The following COL18A1 variants were observed in gnomAD, a reference collection of about 807,000 sequenced individuals.
The protein encoded by COL18A1 is collagen alpha-1(XVIII) chain.
Under a neutral mutation model 168.0 loss-of-function variants are expected in COL18A1, and 133 were observed. The ratio of observed to expected loss-of-function variants is 0.79; its 90% CI spans 0.69 to 0.91. COL18A1 has a LOEUF of 0.91. Ranked by LOEUF, COL18A1 falls within the 40% of genes least tolerant of loss-of-function variation. COL18A1 has a pLI of 0.00. For synonymous variants in COL18A1, 949 were observed against 809.0 expected, an observed-to-expected ratio of 1.17 and a Z score of -2.94; for missense variants, 2,126 against 1,925.4, an observed-to-expected ratio of 1.10 and a Z score of -1.95.
chr21:45,487,573 A>T lies in COL18A1; in HGVS notation c.1896+64A>T, dbSNP rs1416900032. On this transcript the variant is annotated intron_variant, in intron 17 of 41. Transcript: ENST00000651438. ...AAGGGGGTGTTGCCTGGGGCAGGAG[A>T]GTGTCCCTGAGAGCCACCGGCCTTG... 1.2e-5 allele frequency: 19 copies of T among 1,591,068 alleles called. No homozygotes were observed. The Admixed American group carries it at 2.8e-4, about 24-fold the overall frequency.
chr21:45,475,799 C>T (rs1312878212), intron 5 of COL18A1, among the ~76,000 whole-genome samples: 3 of 152,276 alleles, frequency 2.0e-5, no homozygotes, highest in Admixed American at 6.5e-5. Context: ...CTGCACACTC[C>T]TTGGTCTTCG....
chr21:45,481,263 C>T (rs1001993367), intron 13 of COL18A1, among the ~76,000 whole-genome samples: 1 of 152,172 alleles, frequency 6.6e-6, no homozygotes, highest in Non-Finnish European at 1.5e-5. Context: ...CAGGTCCCCA[C>T]GGCAGGCTCC....
intron 2 of COL18A1, among the ~76,000 whole-genome samples, chr21:45,465,483 T>G (rs1466134501): frequency 6.6e-6 from 1 of 152,148 alleles, no homozygotes; most frequent in Non-Finnish European, 1.5e-5. Context: ...ACTGCGTAAG[T>G]GCTATGGTGT....
intron 9 of COL18A1, 55 bp downstream of exon 9, chr21:45,478,408 C>T (rs1262087416): frequency 1.2e-6 from 2 of 1,612,746 alleles, no homozygotes; most frequent in East Asian, 2.2e-5. Context: ...TGCTTAGACC[C>T]CAGGGCTTTG....
At chr21:45,479,638 C>T (rs2035822647) in intron 9 of COL18A1, among the ~76,000 whole-genome samples, 2 of 152,104 alleles carry the variant, frequency 1.3e-5, no homozygotes, top group African/African-American at 4.8e-5. Flanking sequence ...ACCCAAGCAC[C>T]AGCTGTTGTG....
rs1325415179 is a variant in COL18A1 at position 45,505,961 on chromosome 21, G to A, written c.3211G>A (p.Val1071Ile). The A allele has an allele frequency of 1.9e-6, 3 of 1,613,036 alleles. No homozygotes were observed. Among genetic ancestry groups the A allele is most frequent in the Admixed American group, 1.7e-5 (1 of 60,000 alleles). ...YVRVQNGFRK[V>I]QLEARTPLPR... The stretch of plus-strand genomic sequence containing the variant: ...CCGCGTGCAGAACGGGTTCCGGAAG[G>A]TCCAGGTGAGCGCTCTGTGTGACGG... The change falls in exon 37 of 42, where the codon GTC becomes ATC. Residue 1071 changes from valine (V) to isoleucine (I), a missense_variant. Coordinates refer to ENST00000651438, the MANE Select transcript of COL18A1 (RefSeq NM_001379500.1).
intron 37 of COL18A1, 34 bp from the exon 38 acceptor site, chr21:45,507,527 G>T: frequency 6.2e-7 from 1 of 1,607,306 alleles, no homozygotes; most frequent in South Asian, 1.1e-5. Context: ...AGGCCCAGCC[G>T]CAGGTCCTGG....
At position 45,498,339 on chromosome 21, in the gene COL18A1, CT is replaced by C. The variant is rs1251150354; in HGVS notation, c.2683+679del. 1 of 630,914 alleles carries C rather than the reference CT, an allele frequency of 1.6e-6. No individual in the cohort carries two copies. The highest frequency in any genetic ancestry group is 3.4e-5 in the East Asian group (1 of 29,706). The allele number at this position is 630,914 out of a possible 1,614,324, so 39.1% of individuals were successfully genotyped here. A position where few individuals can be genotyped will look rare whatever the true frequency, so the allele number is the denominator to read the frequency against. The stretch of plus-strand genomic sequence containing the variant: ...GGTCCCCTCTCGCCGCCAGGGTCCC[CT>C]CTCACCGCCAGGGTTCCCTCTCGCC... On this transcript the variant is annotated intron_variant, in intron 32 of 41. Transcript: ENST00000651438. This position sits in a 1 kb window ranked among gnomAD's most constrained non-coding sequence, Gnocchi z 4.5.
rs1425587121 is a variant in COL18A1, at chr21:45,425,470, G to A, written c.106+19997G>A. Among the ~76,000 whole-genome samples, 1 of 152,178 alleles carries A rather than the reference G, an allele frequency of 6.6e-6. No homozygotes were observed. Among genetic ancestry groups the A allele is most frequent in the Non-Finnish European group, 1.5e-5 (1 of 68,028 alleles). On this transcript the variant is annotated intron_variant, in intron 2 of 41. Coordinates refer to ENST00000651438, the MANE Select transcript of COL18A1 (RefSeq NM_001379500.1). This position sits in a 1 kb window ranked among gnomAD's most constrained non-coding sequence, Gnocchi z 4.1. ...TGGACCCCCTGCCTCACCCTCGGGTGGCCCAAGGCCTCTGAAAACCGTCAC... is the reference window on the plus strand; with the variant it reads ...TGGACCCCCTGCCTCACCCTCGGGTAGCCCAAGGCCTCTGAAAACCGTCAC...
chr21:45,509,745 G>T (rs778741854), intron 39 of COL18A1, 144 bp downstream of exon 39: 5 of 702,368 alleles, frequency 7.1e-6, no homozygotes, highest in South Asian at 4.5e-5. Flanking sequence ...CACTCAGGGC[G>T]GCTTGGCTGG....
chr21:45,454,658 G>A (rs1470859272), intron 2 of COL18A1, among the ~76,000 whole-genome samples: 1 of 152,224 alleles, frequency 6.6e-6, no homozygotes, highest in Non-Finnish European at 1.5e-5. Flanking sequence ...CTGCACACAG[G>A]TCCTCAGAGG....
Position 45,482,382 on chromosome 21 carries a change from G to A in COL18A1, c.1674+357G>A, listed in dbSNP as rs774623662. 4.8e-5 allele frequency: 31 copies of A among 648,224 alleles called. 1 individual carries two copies. The highest frequency in any genetic ancestry group is 5.0e-4 in the Middle Eastern group (2 of 4,000). The allele number at this position is 648,224 out of a possible 1,614,324, so 40.2% of individuals were successfully genotyped here. Reference sequence around the variant, plus strand: ...CCAGGCGTTTGTGGGTGGACCTGGCGGGAGTCGCCTGCGTCTGGCCCCCTG... The same window carrying A: ...CCAGGCGTTTGTGGGTGGACCTGGCAGGAGTCGCCTGCGTCTGGCCCCCTG... On this transcript the variant is annotated intron_variant, in intron 14 of 41. Transcript: ENST00000651438.
chr21:45,499,718 A>G (rs1308082010), intron 32 of COL18A1, among the ~76,000 whole-genome samples: 4 of 152,198 alleles, frequency 2.6e-5, no homozygotes, highest in African/African-American at 9.7e-5. Context: ...AGTTCTCACT[A>G]TATTGGACGG....
At chr21:45,501,306 G>A (rs1335904974) in intron 32 of COL18A1, among the ~76,000 whole-genome samples, 1 of 152,032 alleles carries the variant, frequency 6.6e-6, no homozygotes, top group Non-Finnish European at 1.5e-5. Context: ...AATCATTATA[G>A]GGGGACTTTC....
At chr21:45,508,493 G>A (rs2037382422) in intron 38 of COL18A1, among the ~76,000 whole-genome samples, 1 of 151,740 alleles carries the variant, frequency 6.6e-6, no homozygotes, top group African/African-American at 2.4e-5. Context: ...ATGGGTGGGT[G>A]GATGGATGGT....
Position 45,456,049 on chromosome 21 carries a change from C to T in COL18A1, c.107-12193C>T, listed in dbSNP as rs1264105776. 12 of 1,607,596 alleles carry T rather than the reference C, an allele frequency of 7.5e-6. No individual in the cohort carries two copies. The highest frequency in any genetic ancestry group is 1.7e-5 in the Admixed American group (1 of 59,866). On this transcript the variant is annotated intron_variant, in intron 2 of 41. Coordinates refer to ENST00000651438, the MANE Select transcript of COL18A1 (RefSeq NM_001379500.1). ...GGACCACTCTCTGGCCCAGCCGTGG[C>T]ATTCCTAGCTCTCCGGGCGCCCACA...
chr21:45,465,478 G>C (rs771829997), intron 2 of COL18A1, among the ~76,000 whole-genome samples: 1 of 152,230 alleles, frequency 6.6e-6, no homozygotes, highest in Non-Finnish European at 1.5e-5. Context: ...ACTTCACTGC[G>C]TAAGTGCTAT....
At chr21:45,455,373 G>A (rs1182844617) in intron 2 of COL18A1, 10 of 1,013,970 alleles carry the variant, frequency 9.9e-6, no homozygotes, top group Non-Finnish European at 1.5e-5. Context: ...TTCCAAGGCT[G>A]GTGCCTTCTT....
chr21:45,494,665 C>G (rs1409657139), intron 27 of COL18A1, 94 bp downstream of exon 27: 2 of 1,562,874 alleles, frequency 1.3e-6, no homozygotes, highest in East Asian at 4.5e-5. Context: ...TGCTGTGCGG[C>G]CCAGGGCTCA....
Sources: gnomAD v4.1 joint callset for allele counts (sites outside exome capture counted in the v4.1 genomes callset) on GRCh38, gnomAD v4.1.1 for gene constraint, Gnocchi (gnomAD v3.1) non-coding constraint, MANE v1.5 for transcripts, NCBI Gene and HGNC (gene_info 2026-07-23, HGNC 2026-07-21) for gene names.